Variants in SORCS2 observed in about 807,000 individuals in gnomAD.
The protein encoded by SORCS2 is VPS10 domain-containing receptor SorCS2.
SORCS2 carries 100 observed loss-of-function variants against 141.6 expected under a neutral mutation model. The ratio of observed to expected loss-of-function variants is 0.71; its 90% CI spans 0.60 to 0.83. The LOEUF (loss-of-function observed/expected upper bound fraction) is 0.83, where lower values mean the gene tolerates loss of function less well. Ranked by LOEUF, SORCS2 falls within the 40% of genes least tolerant of loss-of-function variation. SORCS2 has a pLI of 0.00. For synonymous variants in SORCS2, 789 were observed against 676.9 expected (o/e 1.17, Z -2.57); for missense variants, 1,646 against 1,560.2 (o/e 1.05, Z -0.93).
At chr4:7,698,612 T>C (rs1724855485) in intron 12 of SORCS2, among the ~76,000 whole-genome samples, 1 of 152,236 alleles carries the variant, frequency 6.6e-6, no homozygotes, top group Admixed American at 6.5e-5. Context: ...GATTGCAAGA[T>C]AGTCATAGCA....
Position 7,399,689 on chromosome 4 carries a change from C to T in SORCS2, c.548+3334C>T, listed in dbSNP as rs1373968038. Among the ~76,000 whole-genome samples the T allele has an allele frequency of 4.6e-5, 7 of 152,302 alleles. No individual in the cohort carries two copies. In the South Asian group the frequency reaches 1.2e-3, roughly 27 times the overall value. Reference sequence around the variant, plus strand: ...GAAGTGTGCAGGGCGTGCTCCTCCACGTGGTCTTGCCCTCACAAGCCACAG... The same window carrying T: ...GAAGTGTGCAGGGCGTGCTCCTCCATGTGGTCTTGCCCTCACAAGCCACAG... On this transcript the variant is annotated intron_variant, in intron 2 of 26. Transcript: ENST00000507866.
intron 11 of SORCS2, among the ~76,000 whole-genome samples, chr4:7,691,378 C>T (rs894310300): frequency 1.2e-4 from 18 of 152,116 alleles, no homozygotes; most frequent in African/African-American, 2.7e-4. Context: ...GAAGGGGGAA[C>T]GTGGGGACCC....
chr4:7,225,660 AGCTGGTGCACGGGGGCT>A (rs1272075673), intron 1 of SORCS2, among the ~76,000 whole-genome samples: 1 of 151,796 alleles, frequency 6.6e-6, no homozygotes, highest in Non-Finnish European at 1.5e-5. Context: ...ACTGGGCTGG[AGCTGGTGCACGGGGGCT>A]GCATGGATGT....
At chr4:7,465,688 C>G (rs1244206927) in intron 2 of SORCS2, among the ~76,000 whole-genome samples, 1 of 152,182 alleles carries the variant, frequency 6.6e-6, no homozygotes, top group East Asian at 1.9e-4. Context: ...ATACATGGTC[C>G]TACTCACCAA....
At chr4:7,634,955 C>G (rs1720147195) in intron 3 of SORCS2, among the ~76,000 whole-genome samples, 1 of 152,310 alleles carries the variant, frequency 6.6e-6, no homozygotes, top group African/African-American at 2.4e-5. Context: ...TCAGAGCTCA[C>G]TAGGTCATCC....
intron 2 of SORCS2, among the ~76,000 whole-genome samples, chr4:7,459,299 G>C (rs904351428): frequency 5.3e-5 from 8 of 152,114 alleles, no homozygotes; most frequent in Non-Finnish European, 1.2e-4. Context: ...CTATGGAGAA[G>C]GCATCTCTCC....
chr4:7,671,400 T>C (rs1722789936), intron 8 of SORCS2, among the ~76,000 whole-genome samples: 1 of 152,052 alleles, frequency 6.6e-6, no homozygotes, highest in Non-Finnish European at 1.5e-5. Flanking sequence ...GCAGATCTAC[T>C]AGACAAAGAC....
At chr4:7,204,776 G>T (rs1446877753) in intron 1 of SORCS2, among the ~76,000 whole-genome samples, 1 of 152,192 alleles carries the variant, frequency 6.6e-6, no homozygotes, top group Non-Finnish European at 1.5e-5. Flanking sequence ...CAAGGAGGGG[G>T]TATCTCTCTG....
intron 14 of SORCS2, among the ~76,000 whole-genome samples, chr4:7,706,621 C>T (rs1487555508): frequency 4.4e-5 from 4 of 90,772 alleles, no homozygotes; most frequent in Admixed American, 1.2e-4. Flanking sequence ...ATGAGGCTGG[C>T]CTCTGCCTGG....
At chr4:7,479,964 G>A (rs114982811) in intron 2 of SORCS2, among the ~76,000 whole-genome samples, 1,796 of 152,342 alleles carry the variant, frequency 0.012, 31 homozygotes, top group African/African-American at 0.041. Context: ...CATTTATTCC[G>A]TGACACCTGG....
intron 2 of SORCS2, among the ~76,000 whole-genome samples, chr4:7,457,548 A>AC (rs1728994951): frequency 2.7e-5 from 4 of 150,396 alleles, no homozygotes; most frequent in Non-Finnish European, 4.4e-5. Flanking sequence ...CCCAGTGAAC[A>AC]TCACAAAGCT....
intron 2 of SORCS2, among the ~76,000 whole-genome samples, chr4:7,403,961 G>GTA (rs71635960): frequency 1.2e-3 from 37 of 29,890 alleles, no homozygotes; most frequent in African/African-American, 3.8e-3. Context: ...CTCCATGTGT[G>GTA]TATATATATA....
intron 1 of SORCS2, among the ~76,000 whole-genome samples, chr4:7,337,770 C>T (rs2108981423): frequency 6.6e-6 from 1 of 152,328 alleles, no homozygotes; most frequent in South Asian, 2.1e-4. Context: ...TACTCCCTAC[C>T]AGGGTTTGTC....
chr4:7,234,597 CT>C (rs1467677088), intron 1 of SORCS2, among the ~76,000 whole-genome samples: 1 of 152,196 alleles, frequency 6.6e-6, no homozygotes, highest in Non-Finnish European at 1.5e-5. Context: ...GGAGATCCAG[CT>C]TCAGTTCCAG....
chr4:7,684,981 C>T (rs1723785773), intron 10 of SORCS2, among the ~76,000 whole-genome samples: 1 of 152,238 alleles, frequency 6.6e-6, no homozygotes, highest in African/African-American at 2.4e-5. Flanking sequence ...GACTCGTGAA[C>T]ACTCACCTCT....
intron 2 of SORCS2, among the ~76,000 whole-genome samples, chr4:7,485,632 CG>C (rs1225153094): frequency 6.6e-6 from 1 of 152,232 alleles, no homozygotes; most frequent in South Asian, 2.1e-4. Flanking sequence ...GTTGTGGGGT[CG>C]GGTGGCTTCA....
rs1025615969 is a variant in SORCS2 at position 7,740,518 on chromosome 4, C to G, written c.*254C>G. On this transcript the variant is annotated 3_prime_UTR_variant, in exon 27 of 27. Transcript: ENST00000507866. ...CCAGGCCTGACTCAGGCAGGTTCTGCCCCCCAGACCCCACACACGGCCGCC... is the reference window on the plus strand; with the variant it reads ...CCAGGCCTGACTCAGGCAGGTTCTGGCCCCCAGACCCCACACACGGCCGCC... 1 of 535,666 alleles carries G rather than the reference C, an allele frequency of 1.9e-6. No individual in the cohort carries two copies. The highest frequency in any genetic ancestry group is 3.1e-5 in the East Asian group (1 of 32,394). 33.2% of individuals were successfully genotyped at this position (535,666 alleles called of 1,614,324 possible).
intron 11 of SORCS2, among the ~76,000 whole-genome samples, chr4:7,693,865 T>TGGGACTGGCTGAG (rs1482615880): frequency 6.6e-6 from 1 of 152,216 alleles, no homozygotes; most frequent in East Asian, 1.9e-4. Flanking sequence ...GAGAAGCCCT[T>TGGGACTGGCTGAG]GGGCCTGGCT....
intron 1 of SORCS2, among the ~76,000 whole-genome samples, chr4:7,255,321 A>G (rs76941564): frequency 0.026 from 3,884 of 152,144 alleles, 187 homozygotes; most frequent in African/African-American, 0.089. Context: ...TCTGGGACCT[A>G]AAGGGAGATC....
Sources: allele counts gnomAD v4.1 joint callset (sites outside exome capture counted in the v4.1 genomes callset), GRCh38; gene constraint gnomAD v4.1.1; transcripts MANE v1.5; gene names NCBI Gene and HGNC (gene_info 2026-07-23, HGNC 2026-07-21).